The following GABRG3 variants were observed in gnomAD, a reference collection of about 807,000 sequenced individuals.
GABRG3 encodes gamma-aminobutyric acid receptor subunit gamma-3.
GABRG3 carries 25 observed loss-of-function variants against 48.8 expected under a neutral mutation model. The observed-to-expected ratio is 0.51, with a 90% CI of 0.37 to 0.72. The LOEUF is 0.72. Ranked by LOEUF, GABRG3 falls within the 30% of genes least tolerant of loss-of-function variation. The pLI is 0.00. For synonymous variants in GABRG3, 227 were observed against 217.6 expected (o/e 1.04, Z -0.38); for missense variants, 394 against 577.9 (o/e 0.68, Z 3.26).
chr15:27,397,669 C>T (rs539273664), intron 5 of GABRG3, among the ~76,000 whole-genome samples: 1 of 152,206 alleles, frequency 6.6e-6, no homozygotes, highest in South Asian at 2.1e-4. Flanking sequence ...TCCAGCCTCC[C>T]GCTTCTGCTG....
intron 3 of GABRG3, among the ~76,000 whole-genome samples, chr15:27,189,443 C>T (rs1373812727): frequency 2.6e-5 from 4 of 152,284 alleles, no homozygotes; most frequent in East Asian, 3.9e-4. Context: ...AGGTCCTTCA[C>T]GTCCCTTGTA....
intron 5 of GABRG3, among the ~76,000 whole-genome samples, chr15:27,426,377 G>T (rs373908487): frequency 1.9e-4 from 29 of 152,312 alleles, no homozygotes; most frequent in African/African-American, 7.0e-4. Context: ...TTCCAAAGAC[G>T]TAACTTTGCA....
At chr15:27,301,953 T>C (rs1892223790) in intron 3 of GABRG3, among the ~76,000 whole-genome samples, 2 of 152,046 alleles carry the variant, frequency 1.3e-5, no homozygotes, top group African/African-American at 4.8e-5. Context: ...CAATCTAGAC[T>C]TCTACATTCA....
chr15:27,226,643 G>A (rs1055780612), intron 3 of GABRG3, among the ~76,000 whole-genome samples: 25 of 151,728 alleles, frequency 1.6e-4, no homozygotes, highest in Non-Finnish European at 7.3e-5. Context: ...CAGCAAACGG[G>A]CACTATGCGG....
At chr15:27,016,235 TCTTTC>T (rs1363535075) in intron 2 of GABRG3, among the ~76,000 whole-genome samples, 1 of 119,646 alleles carries the variant, frequency 8.4e-6, no homozygotes, top group Non-Finnish European at 1.8e-5. Flanking sequence ...TTTCTTTCTT[TCTTTC>T]TTTTTTTTTT....
intron 5 of GABRG3, among the ~76,000 whole-genome samples, chr15:27,346,480 G>A (rs1894379231): frequency 6.6e-6 from 1 of 151,838 alleles, no homozygotes; most frequent in Non-Finnish European, 1.5e-5. Flanking sequence ...TAGTTTTTTT[G>A]TCTGTCATTA....
At chr15:27,020,347 T>G (rs1566910944) in intron 2 of GABRG3, among the ~76,000 whole-genome samples, 1 of 152,198 alleles carries the variant, frequency 6.6e-6, no homozygotes, top group Non-Finnish European at 1.5e-5. Context: ...CCCCTCCACC[T>G]TTTTGTCCTT....
intron 6 of GABRG3, among the ~76,000 whole-genome samples, chr15:27,503,032 T>C (rs1313881619): frequency 6.6e-6 from 1 of 152,190 alleles, no homozygotes; most frequent in African/African-American, 2.4e-5. Flanking sequence ...CGATGGCCAT[T>C]GGTGATCAAC....
At chr15:27,473,695 A>T (rs1003426717) in intron 5 of GABRG3, among the ~76,000 whole-genome samples, 1 of 152,224 alleles carries the variant, frequency 6.6e-6, no homozygotes, top group Non-Finnish European at 1.5e-5. Context: ...GATGAAATGT[A>T]TCAGGTTTCC....
chr15:27,500,671 C>A (rs1246687849), intron 6 of GABRG3, among the ~76,000 whole-genome samples: 3 of 152,140 alleles, frequency 2.0e-5, no homozygotes, highest in African/African-American at 7.2e-5. Context: ...TGTATCCAGC[C>A]TACTCCATGT....
At chr15:27,259,509 T>C (rs752873108) in intron 3 of GABRG3, among the ~76,000 whole-genome samples, 5 of 152,202 alleles carry the variant, frequency 3.3e-5, no homozygotes, top group African/African-American at 7.2e-5. Flanking sequence ...ATGTGTCTAC[T>C]TGAGATGCAA....
chr15:27,088,250 CGGG>C (rs1897118887), intron 3 of GABRG3, among the ~76,000 whole-genome samples: 1 of 47,296 alleles, frequency 2.1e-5, no homozygotes. Flanking sequence ...GTGCTCGGGG[CGGG>C]CGCGGGGGCG....
chr15:27,409,125 T>C (rs1887722995), intron 5 of GABRG3, among the ~76,000 whole-genome samples: 1 of 152,180 alleles, frequency 6.6e-6, no homozygotes, highest in East Asian at 1.9e-4. Context: ...AAATCCAACT[T>C]AATATTTTTT....
At chr15:27,109,057 G>A (rs1224812879) in intron 3 of GABRG3, among the ~76,000 whole-genome samples, 2 of 152,110 alleles carry the variant, frequency 1.3e-5, no homozygotes, top group Non-Finnish European at 2.9e-5. Context: ...TCTATTGTAT[G>A]TATGTACCAG....
At chr15:27,151,935 T>A (rs1197907960) in intron 3 of GABRG3, among the ~76,000 whole-genome samples, 1 of 152,170 alleles carries the variant, frequency 6.6e-6, no homozygotes, top group Non-Finnish European at 1.5e-5. Flanking sequence ...TTGCAAATAT[T>A]TTACTCCAGT....
chr15:27,002,312 C>G (rs1404561557), intron 2 of GABRG3, among the ~76,000 whole-genome samples: 4 of 152,182 alleles, frequency 2.6e-5, no homozygotes, highest in Non-Finnish European at 4.4e-5. Flanking sequence ...GACACCAATT[C>G]AGTGCCTGAA....
chr15:27,188,887 C>A (rs1336660315), intron 3 of GABRG3, among the ~76,000 whole-genome samples: 4 of 150,364 alleles, frequency 2.7e-5, no homozygotes, highest in Admixed American at 6.6e-5. Flanking sequence ...TTTAATCCAT[C>A]TTGAATTGAT....
chr15:27,153,991 G>A (rs1482326097), intron 3 of GABRG3, among the ~76,000 whole-genome samples: 1 of 152,138 alleles, frequency 6.6e-6, no homozygotes, highest in Non-Finnish European at 1.5e-5. Flanking sequence ...AGGTAAATAG[G>A]CCATTTGTGT....
At position 27,435,249 on chromosome 15, in the gene GABRG3, C is replaced by G. The variant is rs981611461; in HGVS notation, c.575-45401C>G. Among the ~76,000 whole-genome samples the G allele has an allele frequency of 2.7e-5, 4 of 150,710 alleles. No homozygotes were observed. In the East Asian group the frequency reaches 7.7e-4, roughly 29 times the overall value. On this transcript the variant is annotated intron_variant, in intron 5 of 9. Coordinates refer to ENST00000615808, the MANE Select transcript of GABRG3 (RefSeq NM_033223.5). ...TATACTATTTTATATACTCTTCCCC[C>G]TTTTATACTATTTTATTTTTCCCTC...
Sources: allele counts gnomAD v4.1 joint callset (sites outside exome capture counted in the v4.1 genomes callset), GRCh38; gene constraint gnomAD v4.1.1; transcripts MANE v1.5; gene names NCBI Gene and HGNC (gene_info 2026-07-23, HGNC 2026-07-21).